Variants in CTNNA2 observed in about 807,000 individuals in gnomAD.
CTNNA2 encodes the protein catenin alpha 2, also known as catenin alpha-2.
CTNNA2 carries 42 observed loss-of-function variants against 101.0 expected under a neutral mutation model. The observed-to-expected ratio is 0.42, with a 90% CI of 0.32 to 0.54. The LOEUF (loss-of-function observed/expected upper bound fraction) is 0.54. Among genes scored for constraint, CTNNA2 ranks in the 20% least tolerant of loss-of-function variants. The pLI, the probability that CTNNA2 is intolerant of heterozygous loss-of-function variation, is 0.14. For synonymous variants in CTNNA2, 450 were observed against 456.4 expected, an observed-to-expected ratio of 0.99 and a Z score of 0.18; for missense variants, 871 against 1,223.1, an observed-to-expected ratio of 0.71 and a Z score of 4.29.
intron 2 of CTNNA2, among the ~76,000 whole-genome samples, chr2:79,304,344 T>C (rs1282801256): frequency 6.6e-6 from 1 of 152,206 alleles, no homozygotes; most frequent in Non-Finnish European, 1.5e-5. Flanking sequence ...ACAAAGAAAC[T>C]GGTGTATCCA....
intron 7 of CTNNA2, among the ~76,000 whole-genome samples, chr2:80,049,534 C>T (rs1287908153): frequency 6.6e-6 from 1 of 152,200 alleles, no homozygotes; most frequent in East Asian, 1.9e-4. Flanking sequence ...CTCCAACCCC[C>T]TTGAACATTG....
At chr2:80,334,278 T>G (rs751063297) in intron 7 of CTNNA2, among the ~76,000 whole-genome samples, 1 of 152,204 alleles carries the variant, frequency 6.6e-6, no homozygotes, top group Non-Finnish European at 1.5e-5. Context: ...TACTTCTCTG[T>G]GTATGATGAG....
At chr2:79,800,840 G>A (rs1486578840) in intron 3 of CTNNA2, among the ~76,000 whole-genome samples, 1 of 152,172 alleles carries the variant, frequency 6.6e-6, no homozygotes, top group East Asian at 1.9e-4. Flanking sequence ...TTGTTTTGTT[G>A]CAATGTGATG....
intron 7 of CTNNA2, among the ~76,000 whole-genome samples, chr2:80,097,233 C>T (rs1279300909): frequency 1.3e-5 from 2 of 152,130 alleles, no homozygotes; most frequent in African/African-American, 2.4e-5. Context: ...ATTTGCTTGT[C>T]TGTGAAGTAT....
intron 7 of CTNNA2, among the ~76,000 whole-genome samples, chr2:80,096,199 T>C (rs977299625): frequency 1.3e-5 from 2 of 152,168 alleles, no homozygotes; most frequent in African/African-American, 2.4e-5. Flanking sequence ...TTCTGGTATG[T>C]TGTGTCTTTG....
At chr2:79,454,532 T>C (rs1375363283) in intron 4 of CTNNA2, among the ~76,000 whole-genome samples, 3 of 152,200 alleles carry the variant, frequency 2.0e-5, no homozygotes, top group Non-Finnish European at 2.9e-5. Flanking sequence ...GCCTAAAATA[T>C]CTTATGGAAA....
intron 12 of CTNNA2, among the ~76,000 whole-genome samples, chr2:80,567,720 A>T (rs1198601408): frequency 6.6e-6 from 1 of 151,956 alleles, no homozygotes; most frequent in Non-Finnish European, 1.5e-5. Flanking sequence ...AATTACTCTG[A>T]TTTTTCCCTA....
intron 7 of CTNNA2, among the ~76,000 whole-genome samples, chr2:80,127,475 C>T (rs1702201059): frequency 6.6e-6 from 1 of 152,148 alleles, no homozygotes; most frequent in African/African-American, 2.4e-5. Context: ...AACCATCTAA[C>T]ATGACAGATG....
At chr2:79,851,609 C>T (rs1680708205) in intron 3 of CTNNA2, among the ~76,000 whole-genome samples, 1 of 151,802 alleles carries the variant, frequency 6.6e-6, no homozygotes, top group Admixed American at 6.6e-5. Context: ...ATGGAAAATA[C>T]ATGTGAAAAA....
chr2:79,834,989 G>C (rs1290242890), intron 3 of CTNNA2, among the ~76,000 whole-genome samples: 1 of 152,018 alleles, frequency 6.6e-6, no homozygotes, highest in Admixed American at 6.6e-5. Flanking sequence ...TGTAAGTTGA[G>C]CTGTTTGCAG....
chr2:80,397,593 T>A (rs1446818176), intron 8 of CTNNA2, among the ~76,000 whole-genome samples: 1 of 152,178 alleles, frequency 6.6e-6, no homozygotes, highest in East Asian at 1.9e-4. Flanking sequence ...CTCTCTTGCC[T>A]GCCGCCGTGT....
At chr2:80,328,435 G>T (rs1671021637) in intron 7 of CTNNA2, 1 of 469,440 alleles carries the variant, frequency 2.1e-6, no homozygotes, top group South Asian at 1.6e-5. Flanking sequence ...GGGACCTACT[G>T]AGAGGAAGGA....
chr2:79,923,197 T>C (rs2104388672), intron 7 of CTNNA2, among the ~76,000 whole-genome samples: 1 of 152,230 alleles, frequency 6.6e-6, no homozygotes, highest in Non-Finnish European at 1.5e-5. Context: ...TTTTCAAGAA[T>C]ACAGAATTGG....
At chr2:79,708,217 C>T (rs1306995363) in intron 2 of CTNNA2, among the ~76,000 whole-genome samples, 6 of 152,160 alleles carry the variant, frequency 3.9e-5, no homozygotes, top group Admixed American at 3.9e-4. Flanking sequence ...ACTCTTGCCC[C>T]AGTAGTTCAA....
intron 7 of CTNNA2, among the ~76,000 whole-genome samples, chr2:80,315,898 G>A (rs1339501349): frequency 6.6e-6 from 1 of 152,124 alleles, no homozygotes; most frequent in East Asian, 1.9e-4. Context: ...AGCAGTGCAG[G>A]TATCACCTAT....
intron 17 of CTNNA2, among the ~76,000 whole-genome samples, chr2:80,612,619 T>A (rs1279100354): frequency 1.3e-5 from 2 of 151,562 alleles, no homozygotes; most frequent in East Asian, 3.9e-4. Flanking sequence ...AGAATTACAT[T>A]GTATTTGAAG....
At chr2:79,510,815 C>T (rs1042991341), upstream of CTNNA2, among the ~76,000 whole-genome samples, 43 of 152,246 alleles carry the variant, frequency 2.8e-4, no homozygotes, top group African/African-American at 1.0e-3. Context: ...AAATGTCTCT[C>T]GATAATATTC....
intron 4 of CTNNA2, among the ~76,000 whole-genome samples, chr2:79,862,452 T>A (rs1475520481): frequency 2.0e-5 from 3 of 152,192 alleles, no homozygotes; most frequent in Admixed American, 6.5e-5. Context: ...AGTCCTGAAG[T>A]TCTAATGTGG....
intron 7 of CTNNA2, among the ~76,000 whole-genome samples, chr2:80,309,750 A>C: frequency 6.7e-6 from 1 of 148,946 alleles, no homozygotes; most frequent in Middle Eastern, 3.2e-3. Context: ...GCTGGAGTGC[A>C]GTGGCATGAT....
Sources: gnomAD v4.1 joint callset for allele counts (sites outside exome capture counted in the v4.1 genomes callset) on GRCh38, gnomAD v4.1.1 for gene constraint, MANE v1.5 for transcripts, NCBI Gene and HGNC (gene_info 2026-07-23, HGNC 2026-07-21) for gene names.